Variants in LGR6 observed in about 807,000 individuals in gnomAD.
The protein encoded by LGR6 is leucine rich repeat containing G protein-coupled receptor 6.
Under a neutral mutation model 69.4 loss-of-function variants are expected in LGR6, and 45 were observed. The observed-to-expected ratio is 0.65, with a 90% CI of 0.51 to 0.83. The LOEUF is 0.83. Ranked by LOEUF, LGR6 falls within the 40% of genes least tolerant of loss-of-function variation. The pLI is 0.00. For missense variants in LGR6, 1,108 were observed against 1,246.7 expected (o/e 0.89, Z 1.68); for synonymous variants, 538 against 555.0 (o/e 0.97, Z 0.43).
chr1:202,240,670 A>G (rs1419006898), intron 4 of LGR6, among the ~76,000 whole-genome samples: 1 of 152,030 alleles, frequency 6.6e-6, no homozygotes, highest in African/African-American at 2.4e-5. Context: ...TCAGGGAGAG[A>G]CCGCTTCAGG....
chr1:202,307,628 G>A (rs868760131), intron 14 of LGR6, among the ~76,000 whole-genome samples: 1 of 152,306 alleles, frequency 6.6e-6, no homozygotes, highest in Non-Finnish European at 1.5e-5. Context: ...ATGTTCTGCA[G>A]TATTTTGGCA....
At chr1:202,295,056 G>A (rs568749885) in intron 6 of LGR6, among the ~76,000 whole-genome samples, 15 of 152,224 alleles carry the variant, frequency 9.9e-5, no homozygotes, top group Non-Finnish European at 1.3e-4. Context: ...AGCTGGGCAC[G>A]GTGGCTCATG....
At chr1:202,225,328 C>G in intron 1 of LGR6, 95 bp from the exon 2 acceptor site, 1 of 1,088,526 alleles carries the variant, frequency 9.2e-7, no homozygotes, top group Non-Finnish European at 1.4e-6. Flanking sequence ...ACTGTGGGAG[C>G]CTCGGAGGTC....
rs1386821639 is a variant in LGR6, at chr1:202,268,402, A to G, written c.429-7904A>G. On this transcript the variant is annotated intron_variant, in intron 4 of 17. Transcript: ENST00000367278. This position sits in a 1 kb window ranked among gnomAD's most constrained non-coding sequence, Gnocchi z 4.4. ...GGCCGTTGGTCCCTCCAGGCAATCA[A>G]CGGCTCCCACGTGGAATATTTTCCC... is the stretch of plus-strand genomic sequence containing the variant. Among the ~76,000 whole-genome samples, 2 of 151,552 alleles carry G rather than the reference A, an allele frequency of 1.3e-5. No individual in the cohort carries two copies. Among genetic ancestry groups the G allele is most frequent in the African/African-American group, 2.4e-5 (1 of 41,230 alleles).
At chr1:202,239,441 G>C (rs974684794) in intron 4 of LGR6, among the ~76,000 whole-genome samples, 1 of 151,712 alleles carries the variant, frequency 6.6e-6, no homozygotes, top group African/African-American at 2.4e-5. Context: ...GGAGTTAGAC[G>C]TGGTCATACC....
At chr1:202,251,662 C>T (rs1663256036) in intron 4 of LGR6, among the ~76,000 whole-genome samples, 2 of 152,198 alleles carry the variant, frequency 1.3e-5, no homozygotes, top group Non-Finnish European at 2.9e-5. Flanking sequence ...CGGGGAGCCA[C>T]CAGGCCTTTG....
chr1:202,216,292 T>C (rs1659777226), intron 1 of LGR6, among the ~76,000 whole-genome samples: 1 of 152,224 alleles, frequency 6.6e-6, no homozygotes, highest in Non-Finnish European at 1.5e-5. Flanking sequence ...CTAAGCACTT[T>C]ACCAGGGAGG....
At chr1:202,202,465 T>C (rs760424553) in intron 1 of LGR6, among the ~76,000 whole-genome samples, 23 of 152,222 alleles carry the variant, frequency 1.5e-4, no homozygotes, top group Non-Finnish European at 2.6e-4. Context: ...AGCGCTGCTA[T>C]AGAAGAAAGA....
At position 202,205,527 on chromosome 1, in the gene LGR6, GCA is replaced by G. The variant is rs201738051; in HGVS notation, c.212+11338_212+11339del. ...TTCAAACACACACACCCTCCTTCAA[GCA>G]CACACACACACCTCCAAACACATAT... On this transcript the variant is annotated intron_variant, in intron 1 of 17. Coordinates refer to ENST00000367278, the MANE Select transcript of LGR6 (RefSeq NM_001017403.2). Among the ~76,000 whole-genome samples, 13 of 14,832 alleles carry G rather than the reference GCA, an allele frequency of 8.8e-4. 1 individual carries two copies. In the South Asian group the frequency reaches 9.5e-3, roughly 11 times the overall value. The allele number at this position is 14,832 out of a possible 152,430, so 9.7% of individuals were successfully genotyped here.
At chr1:202,276,597 T>A in intron 5 of LGR6, 76 bp downstream of exon 5, 5 of 1,254,348 alleles carry the variant, frequency 4.0e-6, no homozygotes, top group Non-Finnish European at 5.6e-6. Context: ...TTGAGTTGGA[T>A]TGGAGCCTGG....
At chr1:202,284,914 T>C (rs1441766858) in intron 6 of LGR6, among the ~76,000 whole-genome samples, 1 of 152,116 alleles carries the variant, frequency 6.6e-6, no homozygotes, top group Non-Finnish European at 1.5e-5. Context: ...ATAACCTCAC[T>C]AAACAAATCA....
At chr1:202,216,488 G>T (rs1259520838) in intron 1 of LGR6, among the ~76,000 whole-genome samples, 2 of 152,226 alleles carry the variant, frequency 1.3e-5, no homozygotes, top group Non-Finnish European at 2.9e-5. Context: ...CTATCTTTAT[G>T]TGGCTATTGA....
chr1:202,291,726 C>T (rs556468653), intron 6 of LGR6, among the ~76,000 whole-genome samples: 7 of 152,310 alleles, frequency 4.6e-5, no homozygotes, highest in African/African-American at 1.7e-4. Context: ...TGATTATCTC[C>T]CTCTGTGCCT....
chr1:202,280,502 G>C (rs1247624231), intron 5 of LGR6, among the ~76,000 whole-genome samples: 1 of 152,108 alleles, frequency 6.6e-6, no homozygotes, highest in Non-Finnish European at 1.5e-5. Flanking sequence ...TAGAGCTTAG[G>C]GGGAACTTGC....
At chr1:202,240,439 G>A (rs1311627902) in intron 4 of LGR6, among the ~76,000 whole-genome samples, 1 of 152,068 alleles carries the variant, frequency 6.6e-6, no homozygotes, top group Non-Finnish European at 1.5e-5. Flanking sequence ...TCTGGGGAGG[G>A]TGCAGGGAAA....
At chr1:202,273,619 G>A (rs559949134) in intron 4 of LGR6, among the ~76,000 whole-genome samples, 41 of 151,928 alleles carry the variant, frequency 2.7e-4, no homozygotes, top group South Asian at 6.3e-4. Context: ...AACCATGCCC[G>A]GCTAATTTTG....
At chr1:202,206,207 G>C (rs1659225955) in intron 1 of LGR6, among the ~76,000 whole-genome samples, 1 of 152,258 alleles carries the variant, frequency 6.6e-6, no homozygotes, top group Non-Finnish European at 1.5e-5. Context: ...CTTTGTGGTG[G>C]ACAGAGCAGA....
intron 10 of LGR6, 81 bp from the exon 11 acceptor site, chr1:202,304,478 C>A: frequency 3.1e-6 from 3 of 954,608 alleles, no homozygotes; most frequent in South Asian, 3.1e-5. Context: ...ACGACAGTAT[C>A]AGGTCCAGAG....
At chr1:202,273,796 C>T (rs1406428875) in intron 4 of LGR6, among the ~76,000 whole-genome samples, 1 of 152,102 alleles carries the variant, frequency 6.6e-6, no homozygotes, top group East Asian at 1.9e-4. Context: ...TCTCTGTTCC[C>T]TTCCCCCATC....
Sources: gnomAD v4.1 joint callset for allele counts (sites outside exome capture counted in the v4.1 genomes callset) on GRCh38, gnomAD v4.1.1 for gene constraint, Gnocchi (gnomAD v3.1) non-coding constraint, MANE v1.5 for transcripts, NCBI Gene and HGNC (gene_info 2026-07-23, HGNC 2026-07-21) for gene names.